Variants in MYO16 observed in about 807,000 individuals in gnomAD.
MYO16 encodes the protein unconventional myosin-XVI.
In MYO16, 94 loss-of-function variants were observed where a neutral mutation model predicts 205.3. The ratio of observed to expected loss-of-function variants is 0.46; its 90% CI spans 0.39 to 0.54. The LOEUF is 0.54. MYO16 is among the 20% of genes least tolerant of loss of function. The pLI is 0.00. For missense variants in MYO16, 2,315 were observed against 2,387.5 expected (o/e 0.97, Z 0.63); for synonymous variants, 988 against 954.0 (o/e 1.04, Z -0.66).
intron 34 of MYO16, among the ~76,000 whole-genome samples, chr13:109,191,791 A>G (rs1359201582): frequency 2.0e-5 from 3 of 152,208 alleles, no homozygotes; most frequent in Non-Finnish European, 4.4e-5. Context: ...AATATAAAAT[A>G]CCAATTATGA....
rs770842755 is a variant in MYO16, at chr13:108,957,815, A to C, written c.2037+16A>C. Reference sequence around the variant, plus strand: ...CAGCAGCTTGGTGAGTCATGTCATAAATATTTCACTGAGAAAATCAACCTT... The same window carrying C: ...CAGCAGCTTGGTGAGTCATGTCATACATATTTCACTGAGAAAATCAACCTT... On this transcript the variant is annotated intron_variant, in intron 17 of 34. Coordinates refer to ENST00000457511, the MANE Select transcript of MYO16 (RefSeq NM_001198950.3). The C allele has an allele frequency of 6.4e-7, 1 of 1,562,048 alleles. No homozygotes were observed. The highest frequency in any genetic ancestry group is 8.8e-7 in the Non-Finnish European group (1 of 1,133,636).
intron 21 of MYO16, among the ~76,000 whole-genome samples, chr13:109,007,758 A>G (rs1461123760): frequency 6.6e-6 from 1 of 152,126 alleles, no homozygotes; most frequent in Non-Finnish European, 1.5e-5. Context: ...TGTCTTGTGG[A>G]AAGAGAAAAA....
chr13:108,963,678 C>A (rs943570792), intron 19 of MYO16, among the ~76,000 whole-genome samples: 1 of 152,176 alleles, frequency 6.6e-6, no homozygotes, highest in Non-Finnish European at 1.5e-5. Context: ...CTTAGGAGGC[C>A]CCACTGGCAC....
chr13:108,532,421 T>G, the MYO16 span, among the ~76,000 whole-genome samples: 1 of 149,760 alleles, frequency 6.7e-6, no homozygotes, highest in Non-Finnish European at 1.5e-5. Context: ...GGATGAGGAG[T>G]GAGAAAATAA....
chr13:108,525,674 C>T, the MYO16 span, among the ~76,000 whole-genome samples: 1 of 152,236 alleles, frequency 6.6e-6, no homozygotes, highest in Admixed American at 6.5e-5. Flanking sequence ...TGACTGAACT[C>T]TTTGTGGACA....
intron 23 of MYO16, among the ~76,000 whole-genome samples, chr13:109,023,430 TTATA>T (rs1886192348): frequency 1.4e-5 from 1 of 71,484 alleles, no homozygotes; most frequent in South Asian, 5.2e-4. Flanking sequence ...AAATATATAT[TTATA>T]TATTATACAG....
At chr13:108,763,617 G>A (rs974113727) in intron 4 of MYO16, among the ~76,000 whole-genome samples, 6 of 152,076 alleles carry the variant, frequency 3.9e-5, no homozygotes, top group African/African-American at 1.4e-4. Flanking sequence ...CCAGATGGGA[G>A]GGATGGTGCA....
chr13:108,687,695 A>G (rs1882732878), intron 2 of MYO16, among the ~76,000 whole-genome samples: 1 of 152,256 alleles, frequency 6.6e-6, no homozygotes, highest in African/African-American at 2.4e-5. Flanking sequence ...GGGCGAATGT[A>G]AATTCCAAAA....
intron 3 of MYO16, among the ~76,000 whole-genome samples, chr13:108,725,467 A>G (rs912833890): frequency 2.6e-5 from 4 of 152,142 alleles, no homozygotes; most frequent in Non-Finnish European, 4.4e-5. Context: ...CAGGGCCTGA[A>G]TTTGAAATTT....
intron 15 of MYO16, among the ~76,000 whole-genome samples, chr13:108,903,753 C>T (rs975421359): frequency 2.0e-5 from 3 of 152,146 alleles, no homozygotes; most frequent in Admixed American, 6.6e-5. Flanking sequence ...TGAAAAAACA[C>T]ATTAACTTTA....
At chr13:108,922,252 G>A (rs950092435) in intron 16 of MYO16, among the ~76,000 whole-genome samples, 2 of 128,922 alleles carry the variant, frequency 1.6e-5, no homozygotes, top group Non-Finnish European at 3.2e-5. Flanking sequence ...TGGACAAGGA[G>A]AGGAAAGAGG....
chr13:108,918,453 C>A (rs1881597843), intron 16 of MYO16, among the ~76,000 whole-genome samples: 1 of 152,126 alleles, frequency 6.6e-6, no homozygotes, highest in Admixed American at 6.5e-5. Flanking sequence ...CTAATATTGT[C>A]CCTATTTGAT....
chr13:108,519,633 ACACACACACACACACC>A, the MYO16 span, among the ~76,000 whole-genome samples: 2 of 148,642 alleles, frequency 1.3e-5, no homozygotes, highest in Non-Finnish European at 3.0e-5. Context: ...AAATACACAC[ACACACACACACACACC>A]CACACACACA....
the MYO16 span, among the ~76,000 whole-genome samples, chr13:108,586,673 A>G: frequency 2.4e-3 from 369 of 152,292 alleles, no homozygotes; most frequent in Middle Eastern, 0.017. Flanking sequence ...AGTTTAGAAA[A>G]TGGTGGAGTA....
intron 4 of MYO16, among the ~76,000 whole-genome samples, chr13:108,764,468 GAAT>G (rs1885713818): frequency 6.6e-6 from 1 of 152,238 alleles, no homozygotes; most frequent in East Asian, 1.9e-4. Context: ...TGCTATTGAA[GAAT>G]AATTAAATGA....
intron 18 of MYO16, 130 bp downstream of exon 18, chr13:108,961,786 G>T: frequency 2.9e-6 from 2 of 685,580 alleles, no homozygotes; most frequent in South Asian, 1.8e-5. Context: ...AATTCAGTGA[G>T]GGGGGGAAAT....
At chr13:109,155,452 C>G (rs933411829) in intron 32 of MYO16, among the ~76,000 whole-genome samples, 4 of 152,196 alleles carry the variant, frequency 2.6e-5, no homozygotes, top group African/African-American at 9.6e-5. Context: ...CATTTAAAGT[C>G]AGTAGAGGGC....
At chr13:109,120,284 T>G in intron 28 of MYO16, 86 bp from the exon 29 acceptor site, 1 of 936,816 alleles carries the variant, frequency 1.1e-6, no homozygotes. Flanking sequence ...AATCCTCTGC[T>G]GGAAAAATAT....
chr13:108,667,895 A>T (rs1167187862), intron 2 of MYO16, among the ~76,000 whole-genome samples: 2 of 152,094 alleles, frequency 1.3e-5, no homozygotes, highest in Non-Finnish European at 2.9e-5. Flanking sequence ...AATATTTTTT[A>T]AAATTAGCTG....
Sources: allele counts gnomAD v4.1 joint callset (sites outside exome capture counted in the v4.1 genomes callset), GRCh38; gene constraint gnomAD v4.1.1; transcripts MANE v1.5; gene names NCBI Gene and HGNC (gene_info 2026-07-23, HGNC 2026-07-21).